The following ENTREP1 variants were observed in gnomAD, a reference collection of about 807,000 sequenced individuals.
ENTREP1 encodes endosomal transmembrane epsin interactor 1.
At chr9:69,336,902 G>T in the ENTREP1 span, among the ~76,000 whole-genome samples, 1 of 149,982 alleles carries the variant, frequency 6.7e-6, no homozygotes, top group Non-Finnish European at 1.5e-5. Context: ...GTTTCACTAT[G>T]TTGGTCAGGC....
the ENTREP1 span, among the ~76,000 whole-genome samples, chr9:69,379,335 G>A: frequency 1.3e-5 from 2 of 152,274 alleles, no homozygotes; most frequent in East Asian, 3.9e-4. Flanking sequence ...TGAACCCTAC[G>A]TCTATACCCT....
the ENTREP1 span, among the ~76,000 whole-genome samples, chr9:69,349,614 T>C: frequency 2.0e-5 from 3 of 152,220 alleles, no homozygotes; most frequent in Non-Finnish European, 4.4e-5. Flanking sequence ...CTTGTCTTTT[T>C]ATTATGAGTC....
chr9:69,381,074 C>G, the ENTREP1 span: 1 of 152,278 alleles, frequency 6.6e-6, no homozygotes. Context: ...TCTGCTGCTG[C>G]ATTCCACCTG....
the ENTREP1 span, among the ~76,000 whole-genome samples, chr9:69,359,834 CAGAG>C: frequency 6.6e-6 from 1 of 152,146 alleles, no homozygotes; most frequent in East Asian, 1.9e-4. Context: ...GGCAGGAAGA[CAGAG>C]AGATGGCCAT....
chr9:69,332,336 G>A, the ENTREP1 span, among the ~76,000 whole-genome samples: 2 of 152,216 alleles, frequency 1.3e-5, no homozygotes, highest in Non-Finnish European at 2.9e-5. Context: ...TTAAAACATT[G>A]TAAAGAGCGG....
chr9:69,363,577 G>C, the ENTREP1 span, among the ~76,000 whole-genome samples: 1 of 152,174 alleles, frequency 6.6e-6, no homozygotes, highest in African/African-American at 2.4e-5. Flanking sequence ...GGAAGAGTGG[G>C]GGTGGTGGCA....
At chr9:69,330,545 C>T in the ENTREP1 span, among the ~76,000 whole-genome samples, 3 of 151,978 alleles carry the variant, frequency 2.0e-5, no homozygotes, top group South Asian at 2.1e-4. Context: ...TAAAAAAAAT[C>T]GCAGTGAATA....
chr9:69,368,527 T>G, the ENTREP1 span, among the ~76,000 whole-genome samples: 1 of 152,210 alleles, frequency 6.6e-6, no homozygotes, highest in African/African-American at 2.4e-5. Context: ...GTATATCTTT[T>G]TGATGTGCTG....
the ENTREP1 span, among the ~76,000 whole-genome samples, chr9:69,334,770 CT>C: frequency 2.6e-4 from 37 of 144,268 alleles, no homozygotes; most frequent in African/African-American, 9.2e-4. Context: ...CTTTCCTTTC[CT>C]TTTCTTTTTT....
the ENTREP1 span, among the ~76,000 whole-genome samples, chr9:69,389,649 C>G: frequency 6.6e-6 from 1 of 152,222 alleles, no homozygotes; most frequent in African/African-American, 2.4e-5. Flanking sequence ...TTCCCTCTGT[C>G]CGGCCCCAAT....
the ENTREP1 span, among the ~76,000 whole-genome samples, chr9:69,390,036 C>T: frequency 1.3e-5 from 2 of 152,220 alleles, no homozygotes. Context: ...ATTTCTGACT[C>T]TAGCTGGCTT....
the ENTREP1 span, among the ~76,000 whole-genome samples, chr9:69,352,271 A>G: frequency 6.6e-6 from 1 of 152,112 alleles, no homozygotes; most frequent in South Asian, 2.1e-4. Flanking sequence ...GGCTTGGGCC[A>G]CCACACCCGG....
chr9:69,376,504 ATTAG>A, the ENTREP1 span, among the ~76,000 whole-genome samples: 1 of 152,256 alleles, frequency 6.6e-6, no homozygotes, highest in Non-Finnish European at 1.5e-5. Flanking sequence ...CTTAAGGAAC[ATTAG>A]CTCAGTGAGT....
the ENTREP1 span, chr9:69,371,251 A>C: frequency 7.9e-6 from 4 of 507,042 alleles, no homozygotes; most frequent in East Asian, 1.5e-4. Context: ...GGGAGTAAGA[A>C]TTATTTTCAA....
the ENTREP1 span, chr9:69,325,343 T>G: frequency 6.1e-6 from 7 of 1,155,216 alleles, no homozygotes; most frequent in East Asian, 3.9e-5. Context: ...GGGCTCCTGC[T>G]GCCCCGTGGC....
At chr9:69,351,198 A>T in the ENTREP1 span, among the ~76,000 whole-genome samples, 3 of 152,302 alleles carry the variant, frequency 2.0e-5, no homozygotes, top group Non-Finnish European at 4.4e-5. Flanking sequence ...TAGCCATTTT[A>T]AAAAATAGAT....
chr9:69,344,207 T>TA, the ENTREP1 span, among the ~76,000 whole-genome samples: 8 of 152,322 alleles, frequency 5.3e-5, no homozygotes, highest in South Asian at 8.3e-4. Flanking sequence ...GGGAACATCT[T>TA]AAAATTCATG....
the ENTREP1 span, among the ~76,000 whole-genome samples, chr9:69,377,062 T>A: frequency 1.3e-5 from 2 of 152,226 alleles, no homozygotes; most frequent in Non-Finnish European, 2.9e-5. Flanking sequence ...CTGGAAGGAA[T>A]GTTTCTCGAC....
the ENTREP1 span, among the ~76,000 whole-genome samples, chr9:69,337,440 AATATT>A: frequency 3.9e-5 from 6 of 152,298 alleles, no homozygotes; most frequent in South Asian, 1.2e-3. Context: ...TTGTCACATA[AATATT>A]ATATTCTCTT....
Sources: allele counts gnomAD v4.1 joint callset (sites outside exome capture counted in the v4.1 genomes callset), GRCh38; gene constraint gnomAD v4.1.1; transcripts MANE v1.5; gene names NCBI Gene and HGNC (gene_info 2026-07-23, HGNC 2026-07-21).